Variants in FHIT observed in about 807,000 individuals in gnomAD.
The protein encoded by FHIT is bis(5'-adenosyl)-triphosphatase.
Under a neutral mutation model 17.9 loss-of-function variants are expected in FHIT, and 19 were observed. The ratio of observed to expected loss-of-function variants is 1.06; its 90% CI spans 0.74 to 1.56. The LOEUF is 1.56. Ranked by LOEUF, FHIT falls within the 40% of genes most tolerant of loss-of-function variation. FHIT has a pLI of 0.00. For missense variants in FHIT, 248 were observed against 189.2 expected, an observed-to-expected ratio of 1.31 and a Z score of -1.82; for synonymous variants, 81 against 69.7, an observed-to-expected ratio of 1.16 and a Z score of -0.81.
At chr3:60,613,797 C>T (rs1252882936) in intron 4 of FHIT, among the ~76,000 whole-genome samples, 3 of 152,078 alleles carry the variant, frequency 2.0e-5, no homozygotes, top group Non-Finnish European at 4.4e-5. Context: ...TAGCTTCTCC[C>T]CATGCAACAT....
At chr3:60,498,863 A>C (rs2034409607) in intron 5 of FHIT, among the ~76,000 whole-genome samples, 1 of 151,832 alleles carries the variant, frequency 6.6e-6, no homozygotes, top group Non-Finnish European at 1.5e-5. Flanking sequence ...GGTTAAACTC[A>C]AGAAAAAGCC....
chr3:60,210,774 G>A (rs1009697739), intron 5 of FHIT, among the ~76,000 whole-genome samples: 4 of 152,020 alleles, frequency 2.6e-5, no homozygotes, highest in African/African-American at 9.7e-5. Flanking sequence ...TAGGGAACTA[G>A]GAATTCTTAT....
At chr3:60,085,387 A>C (rs1703453548) in intron 5 of FHIT, among the ~76,000 whole-genome samples, 1 of 152,122 alleles carries the variant, frequency 6.6e-6, no homozygotes, top group African/African-American at 2.4e-5. Flanking sequence ...CTACACTTAC[A>C]TTATATCTTC....
chr3:59,754,221 A>C (rs1701080023), intron 8 of FHIT, among the ~76,000 whole-genome samples: 1 of 152,082 alleles, frequency 6.6e-6, no homozygotes, highest in Non-Finnish European at 1.5e-5. Flanking sequence ...AGTAAGTTTG[A>C]GCCTAAATGA....
intron 4 of FHIT, among the ~76,000 whole-genome samples, chr3:60,564,308 C>T (rs2037057442): frequency 6.6e-6 from 1 of 152,138 alleles, no homozygotes; most frequent in South Asian, 2.1e-4. Flanking sequence ...TGATGATGTA[C>T]CTGGTCACCC....
intron 4 of FHIT, among the ~76,000 whole-genome samples, chr3:60,634,046 T>C (rs1469207576): frequency 6.6e-6 from 1 of 152,218 alleles, no homozygotes; most frequent in Non-Finnish European, 1.5e-5. Context: ...CACTGGACTT[T>C]GAGTAACATG....
chr3:61,246,038 G>C (rs1208822833), intron 1 of FHIT, among the ~76,000 whole-genome samples: 2 of 152,124 alleles, frequency 1.3e-5, no homozygotes, highest in Admixed American at 6.6e-5. Context: ...AACCAAAATG[G>C]CCACAAGAGT....
rs139919649 is a variant in FHIT at position 60,219,385 on chromosome 3, T to C, written c.104-205233A>G. Among the ~76,000 whole-genome samples, 108 of 152,246 alleles carry C rather than the reference T, an allele frequency of 7.1e-4. 2 individuals are homozygous for C. In the East Asian group the frequency reaches 0.019, roughly 27 times the overall value. ...TAACAAGTATTATAAATAATAAAAG[T>C]TGGGAGTCTCCAGTAACTGAGAAAA... On this transcript the variant is annotated intron_variant, in intron 5 of 9. Transcript: ENST00000492590.
chr3:61,113,373 C>T (rs1340443653), intron 2 of FHIT, among the ~76,000 whole-genome samples: 1 of 152,100 alleles, frequency 6.6e-6, no homozygotes. Flanking sequence ...AATAAATAAA[C>T]AAGATCATAG....
intron 7 of FHIT, among the ~76,000 whole-genome samples, chr3:59,928,036 G>T (rs1705760693): frequency 6.6e-6 from 1 of 152,042 alleles, no homozygotes; most frequent in South Asian, 2.1e-4. Flanking sequence ...ATGGCTCATG[G>T]CGGGGGAAAG....
intron 7 of FHIT, among the ~76,000 whole-genome samples, chr3:59,996,562 C>A (rs1332786324): frequency 6.6e-6 from 1 of 152,072 alleles, no homozygotes; most frequent in East Asian, 1.9e-4. Flanking sequence ...TCCCAGCCCA[C>A]AAAATTTAAT....
intron 5 of FHIT, among the ~76,000 whole-genome samples, chr3:60,142,694 CT>C (rs61244426): frequency 0.2 from 28,621 of 141,544 alleles, 2,878 homozygotes; most frequent in Middle Eastern, 0.27. Context: ...TTTTTTTTTT[CT>C]TTTTTTTTTT....
At chr3:60,778,726 A>T (rs1335062911) in intron 4 of FHIT, among the ~76,000 whole-genome samples, 1 of 152,114 alleles carries the variant, frequency 6.6e-6, no homozygotes. Flanking sequence ...AGTGCCAATA[A>T]GAATCCATTT....
At chr3:60,115,732 G>A (rs1704927652) in intron 5 of FHIT, among the ~76,000 whole-genome samples, 3 of 152,066 alleles carry the variant, frequency 2.0e-5, no homozygotes, top group African/African-American at 7.2e-5. Context: ...AAGACATTAA[G>A]AAATCAGGTT....
intron 8 of FHIT, among the ~76,000 whole-genome samples, chr3:59,844,271 A>C (rs1701636172): frequency 6.6e-6 from 1 of 152,106 alleles, no homozygotes; most frequent in African/African-American, 2.4e-5. Context: ...CTTCATTTTC[A>C]ATTTGGATGC....
intron 5 of FHIT, among the ~76,000 whole-genome samples, chr3:60,017,529 C>G (rs1478015610): frequency 1.3e-5 from 2 of 152,234 alleles, no homozygotes; most frequent in African/African-American, 2.4e-5. Flanking sequence ...GGTTGTCAGA[C>G]ACACTGAATC....
intron 5 of FHIT, among the ~76,000 whole-genome samples, chr3:60,014,937 A>G (rs1700284587): frequency 6.6e-6 from 1 of 152,130 alleles, no homozygotes; most frequent in Admixed American, 6.5e-5. Flanking sequence ...AAATTTGATT[A>G]CTTCTTGATA....
intron 4 of FHIT, among the ~76,000 whole-genome samples, chr3:60,711,264 A>C (rs1186524781): frequency 6.6e-6 from 1 of 152,088 alleles, no homozygotes; most frequent in Non-Finnish European, 1.5e-5. Flanking sequence ...CACACCAAAA[A>C]CCCATCTGTA....
At chr3:60,645,023 G>T (rs2039820404) in intron 4 of FHIT, among the ~76,000 whole-genome samples, 2 of 151,888 alleles carry the variant, frequency 1.3e-5, no homozygotes, top group African/African-American at 2.4e-5. Context: ...TTTCCTGTTG[G>T]GTTCTTTTCT....
Sources: gnomAD v4.1 joint callset for allele counts (sites outside exome capture counted in the v4.1 genomes callset) on GRCh38, gnomAD v4.1.1 for gene constraint, MANE v1.5 for transcripts, NCBI Gene and HGNC (gene_info 2026-07-23, HGNC 2026-07-21) for gene names.